NR2F6: variants seen among roughly 807,000 people sequenced by gnomAD.
NR2F6 encodes ERBA-related gene-2.
Under a neutral mutation model 26.5 loss-of-function variants are expected in NR2F6, and 16 were observed. The observed-to-expected ratio is 0.60, with a 90% CI of 0.41 to 0.92. NR2F6 has a LOEUF of 0.92. Among genes scored for constraint, NR2F6 ranks in the 40% least tolerant of loss-of-function variants. NR2F6 has a pLI of 0.00. For synonymous variants in NR2F6, 325 were observed against 305.0 expected, an observed-to-expected ratio of 1.07 and a Z score of -0.68; for missense variants, 536 against 631.7, an observed-to-expected ratio of 0.85 and a Z score of 1.62.
intron 2 of NR2F6, among the ~76,000 whole-genome samples, chr19:17,237,775 G>A (rs943509870): frequency 1.1e-4 from 16 of 152,156 alleles, no homozygotes; most frequent in African/African-American, 3.4e-4. Context: ...AGACTGTGGA[G>A]GTTCAAATCC....
intron 3 of NR2F6, among the ~76,000 whole-genome samples, chr19:17,232,937 C>T (rs1327672214): frequency 6.6e-6 from 1 of 152,178 alleles, no homozygotes; most frequent in Non-Finnish European, 1.5e-5. Context: ...CACTTGAGGT[C>T]AGGAGTTCAA....
chr19:17,233,140 C>T (rs537238011), intron 3 of NR2F6, among the ~76,000 whole-genome samples: 1 of 152,086 alleles, frequency 6.6e-6, no homozygotes, highest in African/African-American at 2.4e-5. Context: ...GAGGGAGACC[C>T]TGTCTCAAAA....
rs1020317969 is a variant in NR2F6, at chr19:17,232,054, C to A, written c.*298G>T. On this transcript the variant is annotated 3_prime_UTR_variant, in exon 4 of 4. Transcript: ENST00000291442. ...CATCATGCCAGGGAAGCCAACCCCACCATCCCACAAGTTCATGCTAGGGGT... is the reference window on the plus strand; with the variant it reads ...CATCATGCCAGGGAAGCCAACCCCAACATCCCACAAGTTCATGCTAGGGGT... The A allele has an allele frequency of 2.3e-5, 9 of 395,658 alleles. No homozygotes were observed. The highest frequency in any genetic ancestry group is 4.1e-5 in the Non-Finnish European group (9 of 219,998). 24.5% of individuals were successfully genotyped at this position (395,658 alleles called of 1,614,324 possible). A position where few individuals can be genotyped will look rare whatever the true frequency, so the allele number is the denominator to read the frequency against.
chr19:17,241,999 G>A (rs1397698715), intron 1 of NR2F6, among the ~76,000 whole-genome samples: 9 of 142,346 alleles, frequency 6.3e-5, no homozygotes, highest in Non-Finnish European at 1.4e-4. Context: ...CAGGGTGACA[G>A]AGTGAGACTC....
rs2073488110 is a variant in NR2F6 at position 17,244,816 on chromosome 19, C to G, written c.278+127G>C. The G allele has an allele frequency of 2.7e-5, 31 of 1,135,978 alleles. No individual in the cohort carries two copies. In the South Asian group the frequency reaches 4.4e-4, roughly 16 times the overall value. 70.4% of individuals were successfully genotyped at this position (1,135,978 alleles called of 1,614,324 possible). On this transcript the variant is annotated intron_variant, in intron 1 of 3. Transcript: ENST00000291442. ...AATGCGGGAGGAGGGTGCTGTGCCC[C>G]TATCTCAGAGGGGGCAGTGGAGGCC...
At chr19:17,237,183 G>A (rs1307181733) in intron 2 of NR2F6, among the ~76,000 whole-genome samples, 1 of 152,102 alleles carries the variant, frequency 6.6e-6, no homozygotes, top group African/African-American at 2.4e-5. Flanking sequence ...CGCTCCAAGG[G>A]GTCCCTGAGT....
chr19:17,234,591 C>T (rs2073425458), intron 3 of NR2F6, among the ~76,000 whole-genome samples: 2 of 152,166 alleles, frequency 1.3e-5, no homozygotes, highest in Admixed American at 1.3e-4. Context: ...GTGGCTTATG[C>T]CTGTAATCCT....
intron 2 of NR2F6, among the ~76,000 whole-genome samples, chr19:17,236,760 G>A (rs1455474439): frequency 3.3e-5 from 5 of 151,248 alleles, no homozygotes; most frequent in Non-Finnish European, 7.4e-5. Flanking sequence ...CTACAGTGCA[G>A]GGAAGGGTTG....
rs1053818932 is a variant in NR2F6 at position 17,245,390 on chromosome 19, C to G, written c.-170G>C. On this transcript the variant is annotated 5_prime_UTR_variant, in exon 1 of 4. Coordinates refer to ENST00000291442, the MANE Select transcript of NR2F6 (RefSeq NM_005234.4). This position sits in a 1 kb window ranked among gnomAD's most constrained non-coding sequence, Gnocchi z 5.0. ...ACTTCCTGCGGCCGGTCCTCGCGCC[C>G]GGGCGGAACTGGTCGGGCCGGTTCC... is the stretch of plus-strand genomic sequence containing the variant. The G allele has an allele frequency of 2.7e-5, 13 of 474,400 alleles. No homozygotes were observed. The highest frequency in any genetic ancestry group is 2.7e-4 in the African/African-American group (13 of 48,252). The allele number at this position is 474,400 out of a possible 1,614,324, so 29.4% of individuals were successfully genotyped here.
Position 17,236,075 on chromosome 19 carries a change from GC to G in NR2F6, c.374-11del. On this transcript the variant is annotated splice_polypyrimidine_tract_variant and intron_variant, in intron 2 of 3. Transcript: ENST00000291442. ...CGGCCGCGCTGCACCGCTGCGGGAG[GC>G]GGGGACAGGAGGGACATGGGGGCGG... 1 of 1,243,468 alleles carries G rather than the reference GC, an allele frequency of 8.0e-7. No homozygotes were observed. The highest frequency in any genetic ancestry group is 1.0e-6 in the Non-Finnish European group (1 of 999,248). 77.0% of individuals were successfully genotyped at this position (1,243,468 alleles called of 1,614,324 possible).
rs759348248 is a variant in NR2F6, at chr19:17,232,418, C to T, written c.1149G>A (p.Glu383=). ...FMRLVGKTPI[E]TLIRDMLLSG... ...ACAGCAGCATGTCTCTGATCAGTGTCTCAATGGGCGTCTTCCCCACCAGGC... is the reference window on the plus strand; with the variant it reads ...ACAGCAGCATGTCTCTGATCAGTGTTTCAATGGGCGTCTTCCCCACCAGGC... The change falls in exon 4 of 4, where the codon GAG becomes GAA. Residue 383 remains glutamate (E), a synonymous_variant. Coordinates refer to ENST00000291442, the MANE Select transcript of NR2F6 (RefSeq NM_005234.4). The T allele has an allele frequency of 6.2e-7, 1 of 1,614,148 alleles. No individual in the cohort carries two copies. The highest frequency in any genetic ancestry group is 1.1e-5 in the South Asian group (1 of 91,088).
rs1183859451 is a variant in NR2F6 at position 17,236,029 on chromosome 19, C to G, written c.410G>C (p.Gly137Ala). 3 of 1,369,234 alleles carry G rather than the reference C, an allele frequency of 2.2e-6. No homozygotes were observed. The highest frequency in any genetic ancestry group is 6.3e-5 in the East Asian group (2 of 31,834). 84.8% of individuals were successfully genotyped at this position (1,369,234 alleles called of 1,614,324 possible). The change falls in exon 3 of 4, where the codon GGT becomes GCT. Residue 137 changes from glycine (G) to alanine (A), a missense_variant. By Grantham distance (60) the Gly-to-Ala change is moderately conservative. Transcript: ENST00000291442. ...QRGRIPHSLP[G>A]AVAASSGSPP... ...GCTGCCCGAGGAGGCGGCCACGGCA[C>G]CAGGCAGCGAGTGCGGGATGCGGCC... is the stretch of plus-strand genomic sequence containing the variant.
Position 17,232,628 on chromosome 19 carries a change from T to C in NR2F6, c.941-2A>G. The C allele has an allele frequency of 6.5e-7, 1 of 1,528,968 alleles. No homozygotes were observed. The highest frequency in any genetic ancestry group is 8.8e-7 in the Non-Finnish European group (1 of 1,142,520). 94.7% of individuals were successfully genotyped at this position (1,528,968 alleles called of 1,614,324 possible). A position where few individuals can be genotyped will look rare whatever the true frequency, so the allele number is the denominator to read the frequency against. ...CCGGGTCTGAGAGGCCACAGGCGTC[T>C]AGGGGGACAAAGGCAAGTCAGACAG... On this transcript the variant is annotated splice_acceptor_variant, in intron 3 of 3. Coordinates refer to ENST00000291442, the MANE Select transcript of NR2F6 (RefSeq NM_005234.4). LOFTEE classifies it high-confidence loss of function.
intron 1 of NR2F6, among the ~76,000 whole-genome samples, chr19:17,241,064 G>T (rs891627227): frequency 6.6e-6 from 1 of 152,224 alleles, no homozygotes; most frequent in Non-Finnish European, 1.5e-5. Context: ...GAATGGCGGG[G>T]TGATCCCAGA....
chr19:17,235,400 G>GC lies in NR2F6; in HGVS notation c.940+98dup, dbSNP rs1410367211. 34 of 1,498,188 alleles carry GC rather than the reference G, an allele frequency of 2.3e-5. No homozygotes were observed. Among genetic ancestry groups the GC allele is most frequent in the Non-Finnish European group, 2.9e-5 (33 of 1,129,952 alleles). 92.8% of individuals were successfully genotyped at this position (1,498,188 alleles called of 1,614,324 possible). A position where few individuals can be genotyped will look rare whatever the true frequency, so the allele number is the denominator to read the frequency against. ...GCAGGGCCCCAGGCCTAGGGAGCGA[G>GC]CGGGGCGCTATGGGGGCCGGAGTCT... On this transcript the variant is annotated intron_variant, in intron 3 of 3. Transcript: ENST00000291442. This position sits in a 1 kb window ranked among gnomAD's most constrained non-coding sequence, Gnocchi z 5.0.
rs1025335768 is a variant in NR2F6 at position 17,232,601 on chromosome 19, G to A, written c.966C>T (p.Ala322=). 5.8e-6 allele frequency: 9 copies of A among 1,555,724 alleles called. No individual in the cohort carries two copies. The highest frequency in any genetic ancestry group is 7.8e-6 in the Non-Finnish European group (9 of 1,151,820). Residue 322 remains alanine, a synonymous_variant, in exon 4 of 4, where the codon GCC becomes GCT. Coordinates refer to ENST00000291442, the MANE Select transcript of NR2F6 (RefSeq NM_005234.4). ...CCTTCTCCTGCAGGCTCTCAACGTG[G>A]GCCGGGTCTGAGAGGCCACAGGCGT... is the stretch of plus-strand genomic sequence containing the variant. ...TPDACGLSDP[A]HVESLQEKAQ...
chr19:17,233,311 CAAACA>C (rs143909942), intron 3 of NR2F6, among the ~76,000 whole-genome samples: 62,153 of 144,962 alleles, frequency 0.43, 15,008 homozygotes, highest in East Asian at 0.62. Context: ...GACCCTGTCT[CAAACA>C]AAACAAAACA....
intron 1 of NR2F6, among the ~76,000 whole-genome samples, chr19:17,241,193 G>C (rs1030559589): frequency 6.6e-6 from 1 of 152,140 alleles, no homozygotes; most frequent in Non-Finnish European, 1.5e-5. Context: ...AGATGTGAAG[G>C]CAAAGAGGAC....
At chr19:17,234,561 G>A (rs1289973575) in intron 3 of NR2F6, among the ~76,000 whole-genome samples, 1 of 152,160 alleles carries the variant, frequency 6.6e-6, no homozygotes, top group Non-Finnish European at 1.5e-5. Context: ...AGGCTGGAGA[G>A]ATCTTTGTCT....
Sources: allele counts gnomAD v4.1 joint callset (sites outside exome capture counted in the v4.1 genomes callset), GRCh38; gene constraint gnomAD v4.1.1; non-coding constraint Gnocchi (gnomAD v3.1); transcripts MANE v1.5; gene names NCBI Gene and HGNC (gene_info 2026-07-23, HGNC 2026-07-21).